The following STK39 variants were observed in gnomAD, a reference collection of about 807,000 sequenced individuals.
The protein encoded by STK39 is serine/threonine kinase 39.
Under a neutral mutation model 77.8 loss-of-function variants are expected in STK39, and 20 were observed. The ratio of observed to expected loss-of-function variants is 0.26; its 90% CI spans 0.18 to 0.37. The LOEUF (loss-of-function observed/expected upper bound fraction) is 0.37. STK39 is among the 10% of genes least tolerant of loss of function. The pLI, the probability that STK39 is intolerant of heterozygous loss-of-function variation, is 1.00. For synonymous variants in STK39, 246 were observed against 234.1 expected (o/e 1.05, Z -0.47); for missense variants, 479 against 656.5 (o/e 0.73, Z 2.95).
intron 12 of STK39, among the ~76,000 whole-genome samples, chr2:168,073,366 CAAT>C (rs1286685388): frequency 2.0e-5 from 3 of 152,132 alleles, no homozygotes; most frequent in African/African-American, 7.2e-5. Context: ...TTTTGTGAGT[CAAT>C]GATGCTACTT....
intron 14 of STK39, among the ~76,000 whole-genome samples, chr2:168,046,038 T>G (rs1000518303): frequency 6.6e-6 from 1 of 152,072 alleles, no homozygotes; most frequent in African/African-American, 2.4e-5. Flanking sequence ...GACATATCGA[T>G]CAACCCTACC....
At chr2:168,184,378 C>G (rs777178018) in intron 1 of STK39, among the ~76,000 whole-genome samples, 4 of 152,146 alleles carry the variant, frequency 2.6e-5, no homozygotes, top group Non-Finnish European at 5.9e-5. Flanking sequence ...AGCTTTGTGA[C>G]CTGAGATCAT....
intron 1 of STK39, among the ~76,000 whole-genome samples, chr2:168,232,710 A>C (rs1454012608): frequency 6.6e-6 from 1 of 152,162 alleles, no homozygotes; most frequent in Non-Finnish European, 1.5e-5. Context: ...CAGGAGTTTC[A>C]GACCAGCCTG....
chr2:168,146,946 AAC>A (rs1279549692), intron 5 of STK39, among the ~76,000 whole-genome samples: 1 of 152,248 alleles, frequency 6.6e-6, no homozygotes, highest in African/African-American at 2.4e-5. Context: ...CTTGCCAAGG[AAC>A]ACACAGCAAG....
intron 14 of STK39, 52 bp from the exon 15 acceptor site, chr2:168,017,147 C>A (rs532650326): frequency 2.3e-6 from 3 of 1,297,670 alleles, no homozygotes; most frequent in South Asian, 1.5e-5. Flanking sequence ...AGAGTTTAGT[C>A]GAACTACATG....
intron 16 of STK39, among the ~76,000 whole-genome samples, chr2:167,974,127 TTTTG>T (rs527424351): frequency 3.2e-4 from 48 of 152,270 alleles, no homozygotes; most frequent in South Asian, 1.9e-3. Flanking sequence ...AATAAAAGAT[TTTTG>T]TTTGTCTTTT....
intron 10 of STK39, among the ~76,000 whole-genome samples, chr2:168,100,984 A>G (rs1432208029): frequency 1.3e-5 from 2 of 152,244 alleles, no homozygotes; most frequent in Non-Finnish European, 2.9e-5. Flanking sequence ...CAGACTGGTT[A>G]AAGAAAATGT....
intron 10 of STK39, among the ~76,000 whole-genome samples, chr2:168,090,631 G>C (rs1686495062): frequency 1.3e-5 from 2 of 152,154 alleles, no homozygotes; most frequent in Admixed American, 1.3e-4. Flanking sequence ...AGGTACCGTA[G>C]AAATATTAGT....
At chr2:168,227,802 C>T (rs11694568) in intron 1 of STK39, among the ~76,000 whole-genome samples, 57,753 of 151,738 alleles carry the variant, frequency 0.38, 11,900 homozygotes, top group Non-Finnish European at 0.48. Flanking sequence ...AGACTACAGG[C>T]ACCCACCACC....
chr2:167,956,734 C>CCG (rs1691794669), intron 17 of STK39, among the ~76,000 whole-genome samples: 1 of 52,604 alleles, frequency 1.9e-5, no homozygotes, highest in Non-Finnish European at 4.7e-5. Flanking sequence ...TCTCTCCCCC[C>CCG]CCGCCCCCTC....
At chr2:168,215,470 A>T (rs1291282232) in intron 1 of STK39, among the ~76,000 whole-genome samples, 2 of 152,214 alleles carry the variant, frequency 1.3e-5, no homozygotes, top group Non-Finnish European at 2.9e-5. Flanking sequence ...GCAATAAATA[A>T]GTTCATGAAG....
intron 10 of STK39, among the ~76,000 whole-genome samples, chr2:168,092,552 TCA>T (rs1169152073): frequency 6.6e-6 from 1 of 152,226 alleles, no homozygotes; most frequent in Non-Finnish European, 1.5e-5. Context: ...ATGTATATTC[TCA>T]CACAGTGAAT....
chr2:168,042,476 G>A lies in STK39; in HGVS notation c.1376+21024C>T, dbSNP rs560494489. On this transcript the variant is annotated intron_variant, in intron 14 of 17. Transcript: ENST00000355999. ...TATGGCACAATTCCTATTTAAGTCC[G>A]GTTAGCCCAGTTCAAAGGTAGGGGT... Among the ~76,000 whole-genome samples, 19 of 152,146 alleles carry A rather than the reference G, an allele frequency of 1.2e-4. 1 individual carries two copies. In the South Asian group the frequency reaches 2.7e-3, roughly 22 times the overall value.
At chr2:168,078,902 C>A (rs16854671) in intron 10 of STK39, among the ~76,000 whole-genome samples, 3,024 of 152,278 alleles carry the variant, frequency 0.02, 106 homozygotes, top group African/African-American at 0.069. Context: ...ATATGGCATG[C>A]TGACTACAGT....
At chr2:167,998,003 T>C (rs1481591233) in intron 16 of STK39, among the ~76,000 whole-genome samples, 1 of 152,242 alleles carries the variant, frequency 6.6e-6, no homozygotes, top group African/African-American at 2.4e-5. Context: ...TATAATAATT[T>C]CTATGTCATT....
At chr2:167,967,554 A>G (rs865851921) in intron 16 of STK39, among the ~76,000 whole-genome samples, 5 of 152,124 alleles carry the variant, frequency 3.3e-5, no homozygotes, top group Non-Finnish European at 5.9e-5. Context: ...GGCCTAAGGT[A>G]TGATAAGTAT....
At chr2:168,139,404 A>C (rs533546098) in intron 7 of STK39, among the ~76,000 whole-genome samples, 1 of 122,650 alleles carries the variant, frequency 8.2e-6, no homozygotes, top group Non-Finnish European at 1.6e-5. Context: ...ATGTTAAAAA[A>C]AATTTATATA....
At position 168,074,998 on chromosome 2, in the gene STK39, TTTACTC is replaced by T; in HGVS notation, c.1220_1225del (p.Arg407_Val408del). The T allele has an allele frequency of 6.2e-7, 1 of 1,613,820 alleles. No homozygotes were observed. The highest frequency in any genetic ancestry group is 8.5e-7 in the Non-Finnish European group (1 of 1,180,008). ...ACAGCTCACCTCTGGATTTTCTTCT[TTTACTC>T]TTCGTGACTGTAAAACAATTATGTA... On this transcript the variant is annotated inframe_deletion, in exon 12 of 18. Transcript: ENST00000355999.
chr2:168,107,397 T>C (rs920258968), intron 10 of STK39, among the ~76,000 whole-genome samples: 26 of 152,202 alleles, frequency 1.7e-4, no homozygotes, highest in Non-Finnish European at 3.1e-4. Context: ...CTAACCTCAC[T>C]TGTCACGTGC....
Sources: allele counts gnomAD v4.1 joint callset (sites outside exome capture counted in the v4.1 genomes callset), GRCh38; gene constraint gnomAD v4.1.1; transcripts MANE v1.5; gene names NCBI Gene and HGNC (gene_info 2026-07-23, HGNC 2026-07-21).